The following SRSF6 variants were observed in gnomAD, a reference collection of about 807,000 sequenced individuals.
The protein encoded by SRSF6 is serine and arginine rich splicing factor 6.
In SRSF6, 17 loss-of-function variants were observed where a neutral mutation model predicts 42.0. The ratio of observed to expected loss-of-function variants is 0.40; its 90% CI spans 0.28 to 0.61. The LOEUF is 0.61. Ranked by LOEUF, SRSF6 falls within the 20% of genes least tolerant of loss-of-function variation. The pLI is 0.37. For synonymous variants in SRSF6, 204 were observed against 166.7 expected, an observed-to-expected ratio of 1.22 and a Z score of -1.72; for missense variants, 379 against 471.4, an observed-to-expected ratio of 0.80 and a Z score of 1.81.
chr20:43,460,798 C>T lies in SRSF6; in HGVS notation c.770C>T (p.Ser257Phe). Reference sequence around the variant, plus strand: ...TCTAAGCCCAAGTCTGATCGGGGCTCCCATTCACATTCTCGAAGCAGATCT... The same window carrying T: ...TCTAAGCCCAAGTCTGATCGGGGCTTCCATTCACATTCTCGAAGCAGATCT... ...SKSKPKSDRG[S>F]HSHSRSRSKD... Residue 257 changes from serine (S) to phenylalanine (F), a missense_variant, in exon 6 of 6, where the codon TCC (serine) becomes TTC (phenylalanine). By Grantham distance (155) the Ser-to-Phe change is radical (BLOSUM62 -2). Coordinates refer to ENST00000244020, the MANE Select transcript of SRSF6 (RefSeq NM_006275.6). 2 of 1,614,112 alleles carry T rather than the reference C, an allele frequency of 1.2e-6. No individual in the cohort carries two copies. Among genetic ancestry groups the T allele is most frequent in the Non-Finnish European group, 1.7e-6 (2 of 1,180,016 alleles).
At position 43,458,037 on chromosome 20, in the gene SRSF6, C is replaced by T. The variant is rs867343698; in HGVS notation, c.4C>T (p.Pro2Ser). 1 of 1,611,558 alleles carries T rather than the reference C, an allele frequency of 6.2e-7. No homozygotes were observed. The highest frequency in any genetic ancestry group is 8.5e-7 in the Non-Finnish European group (1 of 1,179,026). Residue 2 changes from proline to serine, a missense_variant, in exon 1 of 6, where the codon CCG (proline) becomes TCG (serine). Physicochemically the swap from Pro to Ser is moderately conservative, Grantham distance 74 (BLOSUM62 -1). This residue lies in a region of SRSF6 where 117 missense variants were observed against 146.8 expected (regional missense o/e 0.80). Transcript: ENST00000244020. ...TGGGTCCCCGCCCGCCACGGACATG[C>T]CGCGCGTCTACATAGGACGCCTGAG... is the stretch of plus-strand genomic sequence containing the variant. Reference protein sequence around the residue: MPRVYIGRLSYN... With the variant: MSRVYIGRLSYN...
intron 3 of SRSF6, 27 bp downstream of exon 3, chr20:43,459,922 T>C (rs1323734195): frequency 6.3e-7 from 1 of 1,599,680 alleles, no homozygotes. Context: ...AAGATAGAAA[T>C]GATATGACTA....
In SRSF6 at chr20:43,461,415, ATTT is replaced by A. The variant is rs2017597527; in HGVS notation, c.*353_*355del. On this transcript the variant is annotated 3_prime_UTR_variant, in exon 6 of 6. Transcript: ENST00000244020. The stretch of plus-strand genomic sequence containing the variant: ...TCTGCTGGCAGGGTTTTTTTGTTTT[ATTT>A]GTTTGCTTATTTTTAAATTAACTGT... 2 of 61,208 alleles carry A rather than the reference ATTT, an allele frequency of 3.3e-5. No homozygotes were observed. Among genetic ancestry groups the A allele is most frequent in the Non-Finnish European group, 5.9e-5 (2 of 34,000 alleles). The allele number at this position is 61,208 out of a possible 1,614,324, so 3.8% of individuals were successfully genotyped here.
In SRSF6 at chr20:43,460,580, T is replaced by C; in HGVS notation, c.656T>C (p.Ile219Thr). ...AGCAGCCGCAGTAGATCTCGAAGTA[T>C]CTCAAAAAGTCGCTCCCGGTAAATA... ...RRSSRSRSRSISKSRSRSRSR... is the reference protein window; with the variant it reads ...RRSSRSRSRSTSKSRSRSRSR... Residue 219 changes from isoleucine (I) to threonine (T), a missense_variant, in exon 5 of 6, where the codon ATC becomes ACC. Physicochemically the swap from Ile to Thr is moderately conservative, Grantham distance 89. Transcript: ENST00000244020. 1 of 1,614,170 alleles carries C rather than the reference T, an allele frequency of 6.2e-7. No homozygotes were observed. Among genetic ancestry groups the C allele is most frequent in the South Asian group, 1.1e-5 (1 of 91,086 alleles).
In SRSF6 at chr20:43,458,081, G is replaced by A. The variant is rs752645268; in HGVS notation, c.48G>A (p.Lys16=). 7 of 1,613,566 alleles carry A rather than the reference G, an allele frequency of 4.3e-6. No individual in the cohort carries two copies. Among genetic ancestry groups the A allele is most frequent in the South Asian group, 2.2e-5 (2 of 91,060 alleles). The change falls in exon 1 of 6, where the codon AAG becomes AAA. Residue 16 remains lysine (K), a synonymous_variant. Coordinates refer to ENST00000244020, the MANE Select transcript of SRSF6 (RefSeq NM_006275.6). ...GCCTGAGCTACAACGTCCGGGAGAAGGACATCCAGCGCTTTTTCAGTGGCT... is the reference window on the plus strand; with the variant it reads ...GCCTGAGCTACAACGTCCGGGAGAAAGACATCCAGCGCTTTTTCAGTGGCT... ...IGRLSYNVRE[K]DIQRFFSGYG... is the part of the protein sequence containing the mutation.
Position 43,458,356 on chromosome 20 carries a change from C to T in SRSF6, c.108-5C>T, listed in dbSNP as rs955932477. ...GCGGTTGTCCGGCCCTCGCACCGCCCCTAGGTACGGCTTCGTGGAGTTCGA... is the reference window on the plus strand; with the variant it reads ...GCGGTTGTCCGGCCCTCGCACCGCCTCTAGGTACGGCTTCGTGGAGTTCGA... On this transcript the variant is annotated splice_region_variant and splice_polypyrimidine_tract_variant and intron_variant, in intron 1 of 5. Coordinates refer to ENST00000244020, the MANE Select transcript of SRSF6 (RefSeq NM_006275.6). 2.4e-5 allele frequency: 37 copies of T among 1,548,420 alleles called. No individual in the cohort carries two copies. The African/African-American group carries it at 2.6e-4, about 11-fold the overall frequency.
Position 43,458,350 on chromosome 20 carries a change from A to T in SRSF6, c.108-11A>T. 6.5e-7 allele frequency: 1 copy of T among 1,536,788 alleles called. No individual in the cohort carries two copies. The highest frequency in any genetic ancestry group is 8.7e-7 in the Non-Finnish European group (1 of 1,144,508). On this transcript the variant is annotated splice_polypyrimidine_tract_variant and intron_variant, in intron 1 of 5. Transcript: ENST00000244020. ...TCCCCCGCGGTTGTCCGGCCCTCGC[A>T]CCGCCCCTAGGTACGGCTTCGTGGA...
rs182117896 is a variant in SRSF6, at chr20:43,458,326, C to T, written c.108-35C>T. 11,496 of 1,505,924 alleles carry T rather than the reference C, an allele frequency of 7.6e-3. 55 individuals carry two copies. Among genetic ancestry groups the T allele is most frequent in the Non-Finnish European group, 8.3e-3 (9,371 of 1,128,644 alleles). The allele number at this position is 1,505,924 out of a possible 1,614,324, so 93.3% of individuals were successfully genotyped here. A position where few individuals can be genotyped will look rare whatever the true frequency, so the allele number is the denominator to read the frequency against. ...CACGTGCGCGTCCTGGCTAACGACT[C>T]CCCCGCGGTTGTCCGGCCCTCGCAC... On this transcript the variant is annotated intron_variant, in intron 1 of 5. Coordinates refer to ENST00000244020, the MANE Select transcript of SRSF6 (RefSeq NM_006275.6).
At chr20:43,459,019 G>C in intron 2 of SRSF6, 1 of 664,716 alleles carries the variant, frequency 1.5e-6, no homozygotes, top group Non-Finnish European at 2.3e-6. Context: ...GCTTTATGCT[G>C]TATTTGAACT....
rs757549867 is a variant in SRSF6, at chr20:43,461,115, GT to G, written c.*54del. ...TATGGAACACTTTCCTACTTAGGCA[GT>G]TACTCTTCCATGTTTATACTTGGCC... On this transcript the variant is annotated 3_prime_UTR_variant, in exon 6 of 6. Coordinates refer to ENST00000244020, the MANE Select transcript of SRSF6 (RefSeq NM_006275.6). 1.1e-5 allele frequency: 17 copies of G among 1,504,764 alleles called. No homozygotes were observed. In the African/African-American group the frequency reaches 2.0e-4, roughly 17 times the overall value. 93.2% of individuals were successfully genotyped at this position (1,504,764 alleles called of 1,614,324 possible).
rs201673682 is a variant in SRSF6 at position 43,461,097 on chromosome 20, C to G, written c.*34C>G. The G allele has an allele frequency of 6.6e-7, 1 of 1,519,154 alleles. No homozygotes were observed. Among genetic ancestry groups the G allele is most frequent in the East Asian group, 2.3e-5 (1 of 43,812 alleles). The allele number at this position is 1,519,154 out of a possible 1,614,324, so 94.1% of individuals were successfully genotyped here. On this transcript the variant is annotated 3_prime_UTR_variant, in exon 6 of 6. Transcript: ENST00000244020. ...TCCTTGTTTGCACATTATTATGGAACACTTTCCTACTTAGGCAGTTACTCT... is the reference window on the plus strand; with the variant it reads ...TCCTTGTTTGCACATTATTATGGAAGACTTTCCTACTTAGGCAGTTACTCT...
Position 43,460,513 on chromosome 20 carries a change from A to G in SRSF6, c.591-2A>G. 1 of 1,613,648 alleles carries G rather than the reference A, an allele frequency of 6.2e-7. No homozygotes were observed. Among genetic ancestry groups the G allele is most frequent in the East Asian group, 2.2e-5 (1 of 44,872 alleles). ...AAGACTTCATTGTTTTTCTCCTAATAGGTCTCGATCTAGAAGACGGTCACG... is the reference window on the plus strand; with the variant it reads ...AAGACTTCATTGTTTTTCTCCTAATGGGTCTCGATCTAGAAGACGGTCACG... On this transcript the variant is annotated splice_acceptor_variant, in intron 4 of 5. Transcript: ENST00000244020. LOFTEE classifies it high-confidence loss of function.
At chr20:43,460,378 T>C (rs2017564427) in intron 4 of SRSF6, 137 bp downstream of exon 4, 1 of 1,357,580 alleles carries the variant, frequency 7.4e-7, no homozygotes. Flanking sequence ...TTGCGTTCTT[T>C]TCTGGATGTT....
chr20:43,458,140 G>A lies in SRSF6; in HGVS notation c.107G>A (p.Gly36Glu). The change falls in exon 1 of 6, where the codon GGG becomes GAG. Residue 36 changes from glycine to glutamate, a missense_variant and splice_region_variant. By Grantham distance (98) the Gly-to-Glu change is moderately conservative. Coordinates refer to ENST00000244020, the MANE Select transcript of SRSF6 (RefSeq NM_006275.6). Reference sequence around the variant, plus strand: ...CTCCTCGAAGTAGACCTCAAAAATGGGTGAGTCGGGCCTGGGCGCCCGCGC... The same window carrying A: ...CTCCTCGAAGTAGACCTCAAAAATGAGTGAGTCGGGCCTGGGCGCCCGCGC... ...GRLLEVDLKN[G>E]YGFVEFEDSR... is the part of the protein sequence containing the mutation. 6.2e-7 allele frequency: 1 copy of A among 1,612,338 alleles called. No individual in the cohort carries two copies. Among genetic ancestry groups the A allele is most frequent in the Non-Finnish European group, 8.5e-7 (1 of 1,179,170 alleles).
Position 43,459,798 on chromosome 20 carries a change from G to C in SRSF6, c.284G>C (p.Arg95Thr). The C allele has an allele frequency of 8.1e-6, 13 of 1,613,566 alleles. No homozygotes were observed. The highest frequency in any genetic ancestry group is 1.1e-5 in the Non-Finnish European group (13 of 1,180,036). Residue 95 changes from arginine (R) to threonine (T), a missense_variant, in exon 3 of 6, where the codon AGA (arginine) becomes ACA (threonine). Transcript: ENST00000244020. ...GGTGGAGGTGGATACAGCAGTCGGAGAACATCTGGCAGAGACAAATACGGA... is the reference window on the plus strand; with the variant it reads ...GGTGGAGGTGGATACAGCAGTCGGACAACATCTGGCAGAGACAAATACGGA... Reference protein sequence around the residue: ...RSGGGGYSSRRTSGRDKYGPP... With the variant: ...RSGGGGYSSRTTSGRDKYGPP...
At position 43,464,215 on chromosome 20, in the gene SRSF6, T is replaced by A. The variant is rs2017649940; in HGVS notation, c.*3152T>A. ...TAAAAATTACTTTCAAGATTCAACA[T>A]TACACAATAAAACTTAGAGTTCTTG... On this transcript the variant is annotated 3_prime_UTR_variant, in exon 6 of 6. Coordinates refer to ENST00000244020, the MANE Select transcript of SRSF6 (RefSeq NM_006275.6). 2 of 152,230 alleles carry A rather than the reference T, an allele frequency of 1.3e-5. No individual in the cohort carries two copies. The highest frequency in any genetic ancestry group is 2.9e-5 in the Non-Finnish European group (2 of 68,042). 9.4% of individuals were successfully genotyped at this position (152,230 alleles called of 1,614,324 possible).
Position 43,462,940 on chromosome 20 carries a change from C to T in SRSF6, c.*1877C>T, listed in dbSNP as rs1005558084. 1.3e-5 allele frequency: 2 copies of T among 152,604 alleles called. No individual in the cohort carries two copies. Among genetic ancestry groups the T allele is most frequent in the African/African-American group, 4.8e-5 (2 of 41,446 alleles). The allele number at this position is 152,604 out of a possible 1,614,324, so 9.5% of individuals were successfully genotyped here. ...TTTGCCTACTCAGCAGAAGTGATGA[C>T]TCTTAAAAATTGGCTTTGACCAAAG... On this transcript the variant is annotated 3_prime_UTR_variant, in exon 6 of 6. Transcript: ENST00000244020.
intron 1 of SRSF6, 94 bp from the exon 2 acceptor site, chr20:43,458,267 G>T: frequency 1.4e-6 from 2 of 1,398,830 alleles, no homozygotes; most frequent in African/African-American, 1.5e-5. Flanking sequence ...ACGGCGCGGC[G>T]TCGCGGGGGC....
rs560343410 is a variant in SRSF6 at position 43,463,971 on chromosome 20, C to G, written c.*2908C>G. On this transcript the variant is annotated 3_prime_UTR_variant, in exon 6 of 6. Coordinates refer to ENST00000244020, the MANE Select transcript of SRSF6 (RefSeq NM_006275.6). ...GCTAATGCAGCTGCTGTTAACAGTT[C>G]TTGTATCTGCTCAAGAGATTTCTAT... 1 of 152,292 alleles carries G rather than the reference C, an allele frequency of 6.6e-6. No homozygotes were observed. Among genetic ancestry groups the G allele is most frequent in the East Asian group, 1.9e-4 (1 of 5,182 alleles). The allele number at this position is 152,292 out of a possible 1,614,324, so 9.4% of individuals were successfully genotyped here.
Sources: gnomAD v4.1 joint callset for allele counts on GRCh38, gnomAD v4.1.1 for gene constraint, gnomAD v4.1.1 regional missense constraint, MANE v1.5 for transcripts, NCBI Gene and HGNC (gene_info 2026-07-23, HGNC 2026-07-21) for gene names.